CPM: variants seen among roughly 807,000 people sequenced by gnomAD.
The protein encoded by CPM is carboxypeptidase M.
Under a neutral mutation model 46.4 loss-of-function variants are expected in CPM, and 35 were observed. That is an observed-to-expected ratio of 0.75 (90% confidence interval 0.58 to 1.00). The LOEUF (loss-of-function observed/expected upper bound fraction) is 1.00. Ranked by LOEUF, CPM falls within the 50% of genes least tolerant of loss-of-function variation. CPM has a pLI of 0.00. For missense variants in CPM, 422 were observed against 530.4 expected, an observed-to-expected ratio of 0.80 and a Z score of 2.01; for synonymous variants, 195 against 195.3, an observed-to-expected ratio of 1.00 and a Z score of 0.01.
At chr12:68,924,691 T>C (rs1888184793) in intron 2 of CPM, among the ~76,000 whole-genome samples, 1 of 152,198 alleles carries the variant, frequency 6.6e-6, no homozygotes, top group Admixed American at 6.5e-5. Flanking sequence ...ATCCTCAATA[T>C]GTCAGTATTT....
chr12:68,877,184 C>T (rs1191795323), intron 3 of CPM, among the ~76,000 whole-genome samples: 1 of 152,124 alleles, frequency 6.6e-6, no homozygotes, highest in Admixed American at 6.6e-5. Context: ...TTATCTAATG[C>T]GGGTCACACA....
chr12:68,869,378 T>C lies in CPM; in HGVS notation c.734A>G (p.Lys245Arg). 1 of 1,614,112 alleles carries C rather than the reference T, an allele frequency of 6.2e-7. No homozygotes were observed. The highest frequency in any genetic ancestry group is 8.5e-7 in the Non-Finnish European group (1 of 1,180,004). Reference protein sequence around the residue: ...NMKKGDECKNKMNFPNGVTNG... With the variant: ...NMKKGDECKNRMNFPNGVTNG... Reference sequence around the variant, plus strand: ...TGTAACACCATTAGGAAAGTTCATTTTGTTTTTACACTCGTCTCCTTTCTT... The same window carrying C: ...TGTAACACCATTAGGAAAGTTCATTCTGTTTTTACACTCGTCTCCTTTCTT... The change falls in exon 6 of 9, where the codon AAA becomes AGA. Residue 245 changes from lysine (K) to arginine (R), a missense_variant. Coordinates refer to ENST00000551568, the MANE Select transcript of CPM (RefSeq NM_198320.5).
At chr12:68,883,666 G>T (rs2589286) in intron 3 of CPM, among the ~76,000 whole-genome samples, 124,267 of 152,002 alleles carry the variant, frequency 0.82, 51,213 homozygotes, top group Non-Finnish European at 0.87. Flanking sequence ...CGGGGGTAGG[G>T]GACGGAAAGG....
intron 2 of CPM, among the ~76,000 whole-genome samples, chr12:68,911,533 A>C (rs1565793111): frequency 6.6e-6 from 1 of 152,140 alleles, no homozygotes; most frequent in Non-Finnish European, 1.5e-5. Flanking sequence ...ATACAGCAGG[A>C]ACATTGCCTA....
At chr12:68,879,538 A>AT (rs1009428379) in intron 3 of CPM, among the ~76,000 whole-genome samples, 7 of 151,264 alleles carry the variant, frequency 4.6e-5, no homozygotes, top group Middle Eastern at 3.4e-3. Context: ...TAATTTTTAA[A>AT]TTTTTTTTTA....
intron 2 of CPM, among the ~76,000 whole-genome samples, chr12:68,906,142 T>C (rs1296483442): frequency 6.6e-6 from 1 of 152,206 alleles, no homozygotes; most frequent in Non-Finnish European, 1.5e-5. Context: ...TTTGCTCTAC[T>C]TATAGAGTCC....
intron 2 of CPM, among the ~76,000 whole-genome samples, chr12:68,904,641 C>G (rs1459504456): frequency 2.6e-5 from 4 of 152,170 alleles, no homozygotes; most frequent in Non-Finnish European, 4.4e-5. Flanking sequence ...TAGATGAGCT[C>G]TTGAAGACCA....
At chr12:68,880,794 C>T (rs1351880185) in intron 3 of CPM, among the ~76,000 whole-genome samples, 1 of 152,144 alleles carries the variant, frequency 6.6e-6, no homozygotes, top group Non-Finnish European at 1.5e-5. Context: ...ATCTGTGCTC[C>T]ATAAATGTTA....
chr12:68,938,521 G>T (rs1229749012), intron 1 of CPM, among the ~76,000 whole-genome samples: 2 of 152,066 alleles, frequency 1.3e-5, no homozygotes, highest in South Asian at 2.1e-4. Context: ...AGCACATCTA[G>T]AAACATTCTC....
At chr12:68,892,680 C>T (rs548713362) in intron 2 of CPM, among the ~76,000 whole-genome samples, 83 of 151,984 alleles carry the variant, frequency 5.5e-4, no homozygotes, top group Non-Finnish European at 9.1e-4. Context: ...CCTAACATCG[C>T]GAAACCCTGT....
At chr12:68,901,921 A>C (rs755352359) in intron 2 of CPM, among the ~76,000 whole-genome samples, 7 of 152,154 alleles carry the variant, frequency 4.6e-5, no homozygotes, top group Admixed American at 2.0e-4. Flanking sequence ...GGAGCTGGGA[A>C]GGAGAGTATC....
At chr12:68,888,760 C>G (rs1886536860) in intron 2 of CPM, among the ~76,000 whole-genome samples, 1 of 152,136 alleles carries the variant, frequency 6.6e-6, no homozygotes, top group Non-Finnish European at 1.5e-5. Flanking sequence ...GTTTGGATTC[C>G]AGAGATTTCA....
In CPM at chr12:68,855,351, AG is replaced by A. The variant is rs1308991062; in HGVS notation, c.*1085del. Reference sequence around the variant, plus strand: ...TTGGAGGTACCTGTGAGTCACATCCAGGTGGATGTGTCCTGTGGGCAGTGGG... The same window carrying A: ...TTGGAGGTACCTGTGAGTCACATCCAGTGGATGTGTCCTGTGGGCAGTGGG... On this transcript the variant is annotated 3_prime_UTR_variant, in exon 9 of 9. Coordinates refer to ENST00000551568, the MANE Select transcript of CPM (RefSeq NM_198320.5). 6.6e-6 allele frequency: 1 copy of A among 152,304 alleles called. No homozygotes were observed. Among genetic ancestry groups the A allele is most frequent in the Non-Finnish European group, 1.5e-5 (1 of 68,164 alleles). 9.4% of individuals were successfully genotyped at this position (152,304 alleles called of 1,614,324 possible). A position where few individuals can be genotyped will look rare whatever the true frequency, so the allele number is the denominator to read the frequency against.
intron 2 of CPM, among the ~76,000 whole-genome samples, chr12:68,910,380 T>C (rs1267071419): frequency 1.3e-5 from 2 of 152,162 alleles, no homozygotes; most frequent in East Asian, 1.9e-4. Context: ...ACTGTAGACG[T>C]GTGTATACAG....
At chr12:68,886,788 G>A (rs1379551809) in intron 2 of CPM, among the ~76,000 whole-genome samples, 1 of 152,260 alleles carries the variant, frequency 6.6e-6, no homozygotes, top group South Asian at 2.1e-4. Flanking sequence ...GGTGAACTGG[G>A]AACCACAACC....
intron 3 of CPM, among the ~76,000 whole-genome samples, chr12:68,879,014 C>T (rs1165059830): frequency 1.3e-5 from 2 of 152,176 alleles, no homozygotes; most frequent in Middle Eastern, 3.4e-3. Flanking sequence ...ACTGTGGGAC[C>T]CCATCTCTAC....
intron 1 of CPM, among the ~76,000 whole-genome samples, chr12:68,960,163 A>T (rs1046943063): frequency 1.3e-5 from 2 of 152,226 alleles, no homozygotes; most frequent in Non-Finnish European, 2.9e-5. Context: ...CATTTTCTAT[A>T]ACATATGAAT....
chr12:68,905,091 T>C (rs1887284464), intron 2 of CPM, among the ~76,000 whole-genome samples: 1 of 152,012 alleles, frequency 6.6e-6, no homozygotes, highest in African/African-American at 2.4e-5. Flanking sequence ...GCATTTTTAG[T>C]AGAGATGGGG....
At chr12:68,947,346 C>G (rs1419076146) in intron 1 of CPM, among the ~76,000 whole-genome samples, 1 of 152,130 alleles carries the variant, frequency 6.6e-6, no homozygotes, top group Non-Finnish European at 1.5e-5. Flanking sequence ...CCTGTAATCC[C>G]AGCACTTTGG....
Sources: allele counts gnomAD v4.1 joint callset (sites outside exome capture counted in the v4.1 genomes callset), GRCh38; gene constraint gnomAD v4.1.1; transcripts MANE v1.5; gene names NCBI Gene and HGNC (gene_info 2026-07-23, HGNC 2026-07-21).